TXLNG: variants seen among roughly 807,000 people sequenced by gnomAD.
TXLNG encodes taxilin gamma, also known as gamma-taxilin.
Under a neutral mutation model 38.8 loss-of-function variants are expected in TXLNG, and 5 were observed. The ratio of observed to expected loss-of-function variants is 0.13; its 90% CI spans 0.07 to 0.27. The LOEUF (loss-of-function observed/expected upper bound fraction) is 0.27, where lower values mean the gene tolerates loss of function less well. Among genes scored for constraint, TXLNG ranks in the 10% least tolerant of loss-of-function variants. TXLNG has a pLI of 1.00. For synonymous variants in TXLNG, 182 were observed against 158.2 expected (o/e 1.15, Z -1.13); for missense variants, 393 against 398.2 (o/e 0.99, Z 0.11).
intron 1 of TXLNG, among the ~76,000 whole-genome samples, chrX:16,789,791 C>G (rs183128016): frequency 7.7e-4 from 83 of 107,460 alleles, no homozygotes; most frequent in African/African-American, 2.6e-3. Context: ...ACCCTTTCCC[C>G]CTATTATTAT....
At position 16,819,572 on chromosome X, in the gene TXLNG, GC is replaced by G. The variant is rs778723470; in HGVS notation, c.407-590del. ...TAATCTCAGCCACCTGCCTCTCTCT[GC>G]CAAAGTCCTTACAGTATTGCTAAGG... On this transcript the variant is annotated intron_variant, in intron 2 of 9. Transcript: ENST00000380122. Among the ~76,000 whole-genome samples the G allele has an allele frequency of 1.6e-3, 175 of 111,761 alleles. 1 individual carries two copies. Among genetic ancestry groups the G allele is most frequent in the African/African-American group, 5.5e-3 (168 of 30,784 alleles).
chrX:16,811,442 C>T (rs927599948), intron 1 of TXLNG, among the ~76,000 whole-genome samples: 6 of 110,879 alleles, frequency 5.4e-5, no homozygotes, highest in African/African-American at 2.0e-4. Context: ...CTGCAACTTC[C>T]GCCTCCCAGG....
At chrX:16,837,302 T>C (rs1223750160) in intron 7 of TXLNG, among the ~76,000 whole-genome samples, 1 of 111,750 alleles carries the variant, frequency 8.9e-6, no homozygotes, top group Non-Finnish European at 1.9e-5. Context: ...AGAGGGGTAG[T>C]TGGGCGAGCA....
At position 16,830,744 on chromosome X, in the gene TXLNG, TA is replaced by T. The variant is rs762477871; in HGVS notation, c.864+983del. ...TTTTCTTACTGCCTTTTGTTTTTTT[TA>T]AAAAAAAATTATGGAAAATTTCAAG... On this transcript the variant is annotated intron_variant, in intron 5 of 9. Coordinates refer to ENST00000380122, the MANE Select transcript of TXLNG (RefSeq NM_018360.3). Among the ~76,000 whole-genome samples, 527 of 107,402 alleles carry T rather than the reference TA, an allele frequency of 4.9e-3. 4 individuals are homozygous for T. The highest frequency in any genetic ancestry group is 0.016 in the African/African-American group (482 of 29,418). 93.3% of individuals were successfully genotyped at this position (107,402 alleles called of 115,157 possible). A position where few individuals can be genotyped will look rare whatever the true frequency, so the allele number is the denominator to read the frequency against.
chrX:16,803,379 G>T (rs182807398), intron 1 of TXLNG: 36 of 100,500 alleles, frequency 3.6e-4, no homozygotes, highest in African/African-American at 1.3e-3. Context: ...TTTTGAGATG[G>T]AGTCTCACTC....
At chrX:16,823,305 A>C in intron 3 of TXLNG, among the ~76,000 whole-genome samples, 1 of 108,654 alleles carries the variant, frequency 9.2e-6, no homozygotes, top group Middle Eastern at 4.7e-3. Flanking sequence ...CTAAAAATAC[A>C]AAATTTGCTG....
chrX:16,790,119 C>A (rs1417904456), intron 1 of TXLNG, among the ~76,000 whole-genome samples: 1 of 110,879 alleles, frequency 9.0e-6, no homozygotes, highest in Non-Finnish European at 1.9e-5. Flanking sequence ...TTATTTACAT[C>A]TTGCATTAGT....
chrX:16,829,102 C>T (rs149822901), intron 4 of TXLNG, among the ~76,000 whole-genome samples: 1 of 111,776 alleles, frequency 8.9e-6, no homozygotes, highest in African/African-American at 3.2e-5. Flanking sequence ...GGTCTTTTGA[C>T]ACTCATATCC....
intron 1 of TXLNG, among the ~76,000 whole-genome samples, chrX:16,805,888 A>C (rs1451192264): frequency 8.9e-6 from 1 of 112,648 alleles, no homozygotes; most frequent in Non-Finnish European, 1.9e-5. Context: ...TTAAAAATAA[A>C]TATCCTTTCA....
At chrX:16,796,956 T>C (rs1204198138) in intron 1 of TXLNG, among the ~76,000 whole-genome samples, 1 of 111,297 alleles carries the variant, frequency 9.0e-6, no homozygotes. Flanking sequence ...TATTAGAAAT[T>C]CAATAAAAAT....
intron 4 of TXLNG, among the ~76,000 whole-genome samples, 162 bp from the exon 5 acceptor site, chrX:16,829,414 C>T (rs1471129452): frequency 8.9e-6 from 1 of 111,746 alleles, no homozygotes; most frequent in Non-Finnish European, 1.9e-5. Flanking sequence ...AAACTGCTTG[C>T]TTTTCAGTGA....
Position 16,814,040 on chromosome X carries a change from C to G in TXLNG, c.103-4534C>G, listed in dbSNP as rs763854705. Among the ~76,000 whole-genome samples the G allele has an allele frequency of 3.6e-5, 4 of 111,014 alleles. No homozygotes were observed. In the South Asian group the frequency reaches 1.5e-3, roughly 42 times the overall value. On this transcript the variant is annotated intron_variant, in intron 1 of 9. Coordinates refer to ENST00000380122, the MANE Select transcript of TXLNG (RefSeq NM_018360.3). The stretch of plus-strand genomic sequence containing the variant: ...GATGGAGATTGCAGTGAGCCAAGAT[C>G]ACGCCACTGCACTCCAGCCTGGGCG...
Position 16,826,597 on chromosome X carries a change from G to A in TXLNG, c.499-1497G>A, listed in dbSNP as rs1202883945. Among the ~76,000 whole-genome samples the A allele has an allele frequency of 1.1e-4, 12 of 111,124 alleles. No individual in the cohort carries two copies. The Admixed American group carries it at 1.2e-3, about 11-fold the overall frequency. Reference sequence around the variant, plus strand: ...ACTGTTTCAGTATAGTAGCCTGTGGGTGTAAAACTTGATGGTATCGACTCC... The same window carrying A: ...ACTGTTTCAGTATAGTAGCCTGTGGATGTAAAACTTGATGGTATCGACTCC... On this transcript the variant is annotated intron_variant, in intron 3 of 9. Transcript: ENST00000380122.
intron 3 of TXLNG, among the ~76,000 whole-genome samples, chrX:16,823,694 T>C (rs974399753): frequency 9.0e-6 from 1 of 111,095 alleles, no homozygotes; most frequent in African/African-American, 3.3e-5. Flanking sequence ...GGATTGTCCA[T>C]TGGAGAGACC....
intron 1 of TXLNG, among the ~76,000 whole-genome samples, chrX:16,812,691 C>CTTTTTTT (rs55974932): frequency 2.5e-5 from 1 of 39,461 alleles, no homozygotes; most frequent in Non-Finnish European, 3.9e-5. Flanking sequence ...TGCGGCCAGC[C>CTTTTTTT]TTTTTTTTTT....
chrX:16,836,666 G>A (rs957935992), intron 7 of TXLNG, among the ~76,000 whole-genome samples: 4 of 112,410 alleles, frequency 3.6e-5, no homozygotes, highest in African/African-American at 9.7e-5. Context: ...CATCCTGTGC[G>A]CTAGGTGGTG....
chrX:16,816,462 C>A (rs1384504452), intron 1 of TXLNG, among the ~76,000 whole-genome samples: 1 of 112,716 alleles, frequency 8.9e-6, no homozygotes, highest in Non-Finnish European at 1.9e-5. Flanking sequence ...ACAAGCATGC[C>A]CCACGATGCG....
chrX:16,800,405 C>T (rs368116970), intron 1 of TXLNG, among the ~76,000 whole-genome samples: 2 of 110,296 alleles, frequency 1.8e-5, no homozygotes, highest in African/African-American at 6.6e-5. Context: ...TACGTGTTCA[C>T]CACCACACCT....
At chrX:16,795,006 G>A (rs1205762428) in intron 1 of TXLNG, among the ~76,000 whole-genome samples, 1 of 111,284 alleles carries the variant, frequency 9.0e-6, no homozygotes, top group African/African-American at 3.3e-5. Context: ...AGCTGGGCGC[G>A]GTGGCTCACA....
Sources: gnomAD v4.1 joint callset for allele counts (sites outside exome capture counted in the v4.1 genomes callset) on GRCh38, gnomAD v4.1.1 for gene constraint, MANE v1.5 for transcripts, NCBI Gene and HGNC (gene_info 2026-07-23, HGNC 2026-07-21) for gene names.